The following MACROD2 variants were observed in gnomAD, a reference collection of about 807,000 sequenced individuals.
MACROD2 encodes the protein ADP-ribose glycohydrolase MACROD2.
A neutral mutation model predicts 70.4 loss-of-function variants in MACROD2; 36 were observed. The ratio of observed to expected loss-of-function variants is 0.51; its 90% CI spans 0.39 to 0.68. MACROD2 has a LOEUF of 0.68. Ranked by LOEUF, MACROD2 falls within the 30% of genes least tolerant of loss-of-function variation. The pLI, the probability that MACROD2 is intolerant of heterozygous loss-of-function variation, is 0.00. For synonymous variants in MACROD2, 172 were observed against 178.8 expected, an observed-to-expected ratio of 0.96 and a Z score of 0.30; for missense variants, 496 against 538.4, an observed-to-expected ratio of 0.92 and a Z score of 0.78.
At chr20:14,677,993 A>T (rs2070883038) in intron 4 of MACROD2, among the ~76,000 whole-genome samples, 1 of 152,216 alleles carries the variant, frequency 6.6e-6, no homozygotes, top group Non-Finnish European at 1.5e-5. Context: ...GTTAAGGCAA[A>T]CTGGTGTTGC....
At chr20:15,853,976 C>T (rs1238555627) in intron 8 of MACROD2, among the ~76,000 whole-genome samples, 1 of 152,164 alleles carries the variant, frequency 6.6e-6, no homozygotes, top group Non-Finnish European at 1.5e-5. Flanking sequence ...GGGACACAGG[C>T]AGCTGCTTCC....
chr20:14,677,286 C>A (rs2070873418), intron 4 of MACROD2, among the ~76,000 whole-genome samples: 1 of 152,164 alleles, frequency 6.6e-6, no homozygotes, highest in African/African-American at 2.4e-5. Flanking sequence ...TCTATAATAA[C>A]ATCTTCAAAC....
At chr20:14,493,256 A>G (rs573357993) in intron 3 of MACROD2, among the ~76,000 whole-genome samples, 22 of 152,136 alleles carry the variant, frequency 1.4e-4, no homozygotes, top group Admixed American at 7.2e-4. Context: ...TATTATAAAA[A>G]TAGCCATTTG....
At chr20:15,392,698 TTCTC>T (rs1207369218) in intron 6 of MACROD2, among the ~76,000 whole-genome samples, 1 of 152,126 alleles carries the variant, frequency 6.6e-6, no homozygotes, top group Non-Finnish European at 1.5e-5. Context: ...CTTCTTTTTG[TTCTC>T]TCTCTTTCCC....
chr20:14,305,749 C>T (rs1413761771), intron 3 of MACROD2, among the ~76,000 whole-genome samples: 3 of 152,074 alleles, frequency 2.0e-5, no homozygotes, highest in Non-Finnish European at 2.9e-5. Flanking sequence ...ACATTCTAGT[C>T]CCTTTGACCA....
At chr20:14,540,367 C>T (rs1488457022) in intron 4 of MACROD2, among the ~76,000 whole-genome samples, 1 of 152,122 alleles carries the variant, frequency 6.6e-6, no homozygotes, top group African/African-American at 2.4e-5. Flanking sequence ...GGTGACTTTG[C>T]AGGCAGTCAA....
intron 3 of MACROD2, among the ~76,000 whole-genome samples, chr20:14,215,047 TA>T (rs1569209487): frequency 6.7e-6 from 1 of 148,940 alleles, no homozygotes; most frequent in Non-Finnish European, 1.5e-5. Flanking sequence ...TATTCCATCA[TA>T]TATATATATT....
intron 6 of MACROD2, among the ~76,000 whole-genome samples, chr20:15,301,614 T>TTTTTTTTTTTTTTTTTTTTTTG (rs2077644649): frequency 7.4e-6 from 1 of 135,662 alleles, no homozygotes. Flanking sequence ...TTTTTTTTTT[T>TTTTTTTTTTTTTTTTTTTTTTG]GTAGAGACAA....
At position 14,653,708 on chromosome 20, in the gene MACROD2, C is replaced by T. The variant is rs536251416; in HGVS notation, c.302-31135C>T. On this transcript the variant is annotated intron_variant, in intron 4 of 17. Coordinates refer to ENST00000684519, the MANE Select transcript of MACROD2 (RefSeq NM_001351661.2). ...GTTACAGCAGACTGTGTTAAGAGAC[C>T]TCATTTGTACACCTCAGGTGTTCTT... Among the ~76,000 whole-genome samples the T allele has an allele frequency of 4.6e-5, 7 of 152,252 alleles. No homozygotes were observed. The East Asian group carries it at 1.4e-3, about 29-fold the overall frequency.
chr20:15,521,242 C>T (rs756218012), intron 8 of MACROD2, among the ~76,000 whole-genome samples: 44 of 152,222 alleles, frequency 2.9e-4, no homozygotes, highest in Non-Finnish European at 4.7e-4. Flanking sequence ...GTTTTCTTTT[C>T]GGTTTGCCTT....
intron 8 of MACROD2, among the ~76,000 whole-genome samples, chr20:15,713,987 G>GCACACACGCA (rs1555868660): frequency 0.038 from 4,526 of 117,614 alleles, 77 homozygotes; most frequent in African/African-American, 0.052. Flanking sequence ...ACACACATAT[G>GCACACACGCA]CACACACACA....
intron 3 of MACROD2, among the ~76,000 whole-genome samples, chr20:14,225,985 C>G (rs187828893): frequency 2.6e-4 from 39 of 152,160 alleles, no homozygotes; most frequent in African/African-American, 8.4e-4. Context: ...CTTTGTGTTC[C>G]TAGTATTTGA....
At chr20:14,641,106 A>G (rs552218398) in intron 4 of MACROD2, among the ~76,000 whole-genome samples, 1 of 152,358 alleles carries the variant, frequency 6.6e-6, no homozygotes, top group South Asian at 2.1e-4. Context: ...TTTATGTAAT[A>G]TTCTAAATCC....
intron 4 of MACROD2, among the ~76,000 whole-genome samples, chr20:14,648,308 T>C (rs1234048692): frequency 1.3e-5 from 2 of 152,292 alleles, no homozygotes; most frequent in African/African-American, 4.8e-5. Flanking sequence ...ACATTACAAA[T>C]AAGATATATT....
At chr20:14,022,573 T>C (rs779428551) in intron 2 of MACROD2, among the ~76,000 whole-genome samples, 6 of 152,074 alleles carry the variant, frequency 3.9e-5, no homozygotes, top group African/African-American at 1.4e-4. Flanking sequence ...GTATTTCTCC[T>C]AATGCTATCT....
At chr20:14,737,117 C>T (rs1046552158) in intron 5 of MACROD2, among the ~76,000 whole-genome samples, 1 of 152,220 alleles carries the variant, frequency 6.6e-6, no homozygotes, top group African/African-American at 2.4e-5. Flanking sequence ...CCCCACCACC[C>T]AACAGGCCCT....
chr20:15,614,108 C>T (rs139906850), intron 8 of MACROD2, among the ~76,000 whole-genome samples: 36 of 152,324 alleles, frequency 2.4e-4, no homozygotes, highest in African/African-American at 6.7e-4. Flanking sequence ...TTCATTCCTG[C>T]TGTGTGATCT....
At chr20:15,649,194 TCTTCTTTCTTTC>T (rs1425903630) in intron 8 of MACROD2, among the ~76,000 whole-genome samples, 6 of 110,510 alleles carry the variant, frequency 5.4e-5, no homozygotes, top group Non-Finnish European at 8.8e-5. Flanking sequence ...CTTTTTCCTT[TCTTCTTTCTTTC>T]CTTCTTTCTT....
intron 8 of MACROD2, among the ~76,000 whole-genome samples, chr20:15,526,377 G>C (rs539428059): frequency 6.6e-6 from 1 of 152,278 alleles, no homozygotes; most frequent in Non-Finnish European, 1.5e-5. Context: ...AAATCCTCTA[G>C]AGAGTTGAAG....
Sources: gnomAD v4.1 joint callset for allele counts (sites outside exome capture counted in the v4.1 genomes callset) on GRCh38, gnomAD v4.1.1 for gene constraint, MANE v1.5 for transcripts, NCBI Gene and HGNC (gene_info 2026-07-23, HGNC 2026-07-21) for gene names.